LIFR: variants seen among roughly 807,000 people sequenced by gnomAD.
LIFR encodes leukemia inhibitory factor receptor.
In LIFR, 84 loss-of-function variants were observed where a neutral mutation model predicts 122.2. The observed-to-expected ratio is 0.69, with a 90% CI of 0.58 to 0.82. The LOEUF (loss-of-function observed/expected upper bound fraction) is 0.82. Among genes scored for constraint, LIFR ranks in the 40% least tolerant of loss-of-function variants. The pLI is 0.00. For missense variants in LIFR, 1,294 were observed against 1,311.6 expected (o/e 0.99, Z 0.21); for synonymous variants, 422 against 434.7 (o/e 0.97, Z 0.36).
At chr5:38,566,798 C>G (rs1198978798) in intron 1 of LIFR, among the ~76,000 whole-genome samples, 1 of 152,116 alleles carries the variant, frequency 6.6e-6, no homozygotes, top group East Asian at 1.9e-4. Flanking sequence ...ATCTGTCCCC[C>G]ATTCCTGGCT....
upstream of LIFR, among the ~76,000 whole-genome samples, chr5:38,559,943 CA>C (rs1406373872): frequency 6.6e-6 from 1 of 151,988 alleles, no homozygotes; most frequent in Non-Finnish European, 1.5e-5. Flanking sequence ...TTAAATGAAA[CA>C]AAAATCATAG....
chr5:38,523,429 A>C lies in LIFR; in HGVS notation c.551T>G (p.Leu184Arg). The change falls in exon 5 of 20, where the codon CTC becomes CGC. Residue 184 changes from leucine to arginine, a missense_variant. Transcript: ENST00000453190. ...TATGTTCAAACTTACTAATTTTACGAGCTCCATACTCTCTTTACGTAGAAC... is the reference window on the plus strand; with the variant it reads ...TATGTTCAAACTTACTAATTTTACGCGCTCCATACTCTCTTTACGTAGAAC... ...IKVLRKESME[L>R]VKLVTHNTTL... The C allele has an allele frequency of 6.2e-7, 1 of 1,608,248 alleles. No homozygotes were observed. The highest frequency in any genetic ancestry group is 8.5e-7 in the Non-Finnish European group (1 of 1,178,116).
intron 11 of LIFR, among the ~76,000 whole-genome samples, chr5:38,501,811 T>C (rs554842446): frequency 5.3e-5 from 8 of 152,014 alleles, no homozygotes; most frequent in East Asian, 1.9e-4. Flanking sequence ...TATTCGAAGA[T>C]AGAATATCAT....
In LIFR at chr5:38,489,194, A is replaced by G. The variant is rs1229192883; in HGVS notation, c.2219T>C (p.Ile740Thr). 1 of 1,613,218 alleles carries G rather than the reference A, an allele frequency of 6.2e-7. No individual in the cohort carries two copies. The highest frequency in any genetic ancestry group is 1.7e-5 in the Admixed American group (1 of 60,020). Reference protein sequence around the residue: ...FTVEDTSADSILVKWEDIPVE... With the variant: ...FTVEDTSADSTLVKWEDIPVE... ...AGGAATGTCTTCCCATTTTACTAAT[A>G]TCGAATCTGCAGAAGTATCCTCAAC... Residue 740 changes from isoleucine (I) to threonine (T), a missense_variant, in exon 16 of 20, where the codon ATA becomes ACA. Ile to Thr is a moderately conservative substitution (Grantham distance 89, BLOSUM62 -1). Coordinates refer to ENST00000453190, the MANE Select transcript of LIFR (RefSeq NM_001127671.2).
intron 1 of LIFR, among the ~76,000 whole-genome samples, chr5:38,531,821 G>C (rs541793334): frequency 6.6e-6 from 1 of 152,154 alleles, no homozygotes; most frequent in South Asian, 2.1e-4. Flanking sequence ...ATCTCTTCTC[G>C]GCTACTGTCA....
At chr5:38,532,606 GCTTAA>G (rs1415282629) in intron 1 of LIFR, among the ~76,000 whole-genome samples, 1 of 152,182 alleles carries the variant, frequency 6.6e-6, no homozygotes, top group African/African-American at 2.4e-5. Flanking sequence ...ACTGAAGCCT[GCTTAA>G]CTTAAGCAGG....
At chr5:38,581,441 A>G (rs1326963294) in intron 1 of LIFR, among the ~76,000 whole-genome samples, 3 of 152,158 alleles carry the variant, frequency 2.0e-5, no homozygotes, top group Non-Finnish European at 4.4e-5. Flanking sequence ...ATGCCCTTTC[A>G]TAGTCCTGTG....
intron 1 of LIFR, chr5:38,606,419 A>C (rs998925551): frequency 3.3e-5 from 5 of 152,198 alleles, no homozygotes; most frequent in African/African-American, 1.2e-4. Flanking sequence ...AACCCATCAC[A>C]AAGACAGCAC....
At chr5:38,582,917 G>A (rs1391775258) in intron 1 of LIFR, among the ~76,000 whole-genome samples, 3 of 152,160 alleles carry the variant, frequency 2.0e-5, no homozygotes, top group African/African-American at 4.8e-5. Flanking sequence ...CCTCTCTGAC[G>A]CCCTATCTTC....
intron 1 of LIFR, among the ~76,000 whole-genome samples, chr5:38,571,387 A>G (rs2112716300): frequency 6.6e-6 from 1 of 152,194 alleles, no homozygotes; most frequent in African/African-American, 2.4e-5. Context: ...CCCTGTCTCT[A>G]CTAAAAATAC....
chr5:38,512,701 GCAT>G (rs1745866158), intron 5 of LIFR, among the ~76,000 whole-genome samples: 2 of 151,980 alleles, frequency 1.3e-5, no homozygotes, highest in Admixed American at 6.6e-5. Context: ...GCTCCAGTGA[GCAT>G]TTCCTTTGAG....
chr5:38,481,950 A>G lies in LIFR; in HGVS notation c.2939T>C (p.Met980Thr). 5 of 1,614,158 alleles carry G rather than the reference A, an allele frequency of 3.1e-6. No individual in the cohort carries two copies. The highest frequency in any genetic ancestry group is 2.2e-5 in the East Asian group (1 of 44,870). The stretch of plus-strand genomic sequence containing the variant: ...TTCTGGTTTTGCTTGAGGCTGATAC[A>G]TCGACTGAACATCAATGTAAATAAC... ...AQVIYIDVQS[M>T]YQPQAKPEEE... Residue 980 changes from methionine to threonine, a missense_variant, in exon 20 of 20, where the codon ATG becomes ACG. Transcript: ENST00000453190.
chr5:38,594,825 G>A (rs1204754849), intron 1 of LIFR: 1 of 190,486 alleles, frequency 5.2e-6, no homozygotes, highest in African/African-American at 2.3e-5. Flanking sequence ...GCGAAACAAT[G>A]TACCTTCCTC....
chr5:38,583,549 C>T (rs982738374), intron 1 of LIFR, among the ~76,000 whole-genome samples: 3 of 152,076 alleles, frequency 2.0e-5, no homozygotes, highest in Admixed American at 6.5e-5. Context: ...TTGCAAAACA[C>T]GTATCTGATA....
At chr5:38,543,422 AGAGTCTGAATTGT>A (rs1247716143) in intron 1 of LIFR, among the ~76,000 whole-genome samples, 4 of 152,222 alleles carry the variant, frequency 2.6e-5, no homozygotes. Context: ...TTATGACTCT[AGAGTCTGAATTGT>A]GAGCCATTAT....
chr5:38,502,639 G>C lies in LIFR; in HGVS notation c.1598C>G (p.Ala533Gly). 6 of 1,610,640 alleles carry C rather than the reference G, an allele frequency of 3.7e-6. No individual in the cohort carries two copies. The highest frequency in any genetic ancestry group is 5.1e-6 in the Non-Finnish European group (6 of 1,177,398). ...SNKKQHLTTE[A>G]SPSKGPDTWR... ...CATACATCACTTAGTTAACTTACTG[G>C]CTTCTGTTGTTAAATGTTGTTTTTT... The change falls in exon 11 of 20, where the codon GCC becomes GGC. Residue 533 changes from alanine to glycine, a missense_variant and splice_region_variant. Coordinates refer to ENST00000453190, the MANE Select transcript of LIFR (RefSeq NM_001127671.2).
chr5:38,586,031 T>A (rs1244257574), intron 1 of LIFR, among the ~76,000 whole-genome samples: 1 of 152,158 alleles, frequency 6.6e-6, no homozygotes, highest in Admixed American at 6.5e-5. Context: ...TGGTTACTTA[T>A]CCGGTATCCG....
At chr5:38,541,306 A>T (rs976425686) in intron 1 of LIFR, among the ~76,000 whole-genome samples, 1 of 152,242 alleles carries the variant, frequency 6.6e-6, no homozygotes, top group African/African-American at 2.4e-5. Flanking sequence ...GAGGCCTGTG[A>T]GCTTGATAAC....
chr5:38,536,557 A>G (rs1747306346), intron 1 of LIFR, among the ~76,000 whole-genome samples: 1 of 152,248 alleles, frequency 6.6e-6, no homozygotes, highest in South Asian at 2.1e-4. Context: ...CCACAGAGAT[A>G]GAGGGACAAT....
Sources: allele counts gnomAD v4.1 joint callset (sites outside exome capture counted in the v4.1 genomes callset), GRCh38; gene constraint gnomAD v4.1.1; transcripts MANE v1.5; gene names NCBI Gene and HGNC (gene_info 2026-07-23, HGNC 2026-07-21).